FAM107B: variants seen among roughly 807,000 people sequenced by gnomAD.
FAM107B encodes protein FAM107B.
FAM107B carries 21 observed loss-of-function variants against 31.5 expected under a neutral mutation model. The ratio of observed to expected loss-of-function variants is 0.67; its 90% confidence interval spans 0.47 to 0.96. The LOEUF (loss-of-function observed/expected upper bound fraction) is 0.96, where lower values mean the gene tolerates loss of function less well. Among genes scored for constraint, FAM107B ranks in the 40% least tolerant of loss-of-function variants. The probability of loss-of-function intolerance (pLI) is 0.00; values close to 1 mark genes in which losing one functional copy is unlikely to be tolerated. For synonymous variants in FAM107B, 157 were observed against 141.5 expected (o/e 1.11, Z -0.78); for missense variants, 452 against 377.1 (o/e 1.20, Z -1.64).
In FAM107B at chr10:14,727,609, T is replaced by C. The variant is rs118033200; in HGVS notation, c.411+46644A>G. Among the ~76,000 whole-genome samples, 526 of 152,354 alleles carry C rather than the reference T, an allele frequency of 3.5e-3. 12 individuals are homozygous for C. The East Asian group carries it at 0.046, about 13-fold the overall frequency. ...CCAGCTCCCTCACCCTCCAGTGGGA[T>C]AATTCTGAGACATGTGTTTTACATT... On this transcript the variant is annotated intron_variant, in intron 1 of 4. Coordinates refer to ENST00000181796, the MANE Select transcript of FAM107B (RefSeq NM_031453.4).
chr10:14,724,699 A>C (rs1855989043), intron 1 of FAM107B, among the ~76,000 whole-genome samples: 1 of 152,040 alleles, frequency 6.6e-6, no homozygotes, highest in South Asian at 2.1e-4. Flanking sequence ...AAAAAAAAAA[A>C]CAACACCTAA....
At chr10:14,603,993 C>A (rs956342927) in intron 2 of FAM107B, among the ~76,000 whole-genome samples, 3 of 147,468 alleles carry the variant, frequency 2.0e-5, no homozygotes, top group Admixed American at 6.7e-5. Flanking sequence ...CAGCGGCCCC[C>A]GCCTCCGCGG....
At chr10:14,735,484 A>T (rs1454906506) in intron 1 of FAM107B, among the ~76,000 whole-genome samples, 1 of 152,158 alleles carries the variant, frequency 6.6e-6, no homozygotes, top group African/African-American at 2.4e-5. Context: ...ATTCCTCAGG[A>T]TGTCTGTCTG....
At chr10:14,524,232 G>A (rs899548137) in intron 3 of FAM107B, among the ~76,000 whole-genome samples, 2 of 151,898 alleles carry the variant, frequency 1.3e-5, no homozygotes, top group East Asian at 1.9e-4. Context: ...TAGTAGAGAC[G>A]GGGTTTCACC....
intron 2 of FAM107B, among the ~76,000 whole-genome samples, chr10:14,559,726 C>T (rs1850069761): frequency 1.5e-5 from 2 of 136,702 alleles, no homozygotes; most frequent in African/African-American, 5.3e-5. Context: ...CGCCAGCCAC[C>T]GCGCCTGGCT....
chr10:14,745,774 T>C (rs1208240058), intron 1 of FAM107B, among the ~76,000 whole-genome samples: 1 of 152,204 alleles, frequency 6.6e-6, no homozygotes, highest in Non-Finnish European at 1.5e-5. Flanking sequence ...ATGTATATTC[T>C]CTTCTTTTTG....
intron 2 of FAM107B, among the ~76,000 whole-genome samples, chr10:14,595,290 C>T (rs1262627621): frequency 6.6e-6 from 1 of 152,144 alleles, no homozygotes; most frequent in Non-Finnish European, 1.5e-5. Flanking sequence ...TCTGCAGGTA[C>T]TTTCGTATCA....
chr10:14,627,549 G>C (rs551657631), intron 2 of FAM107B, among the ~76,000 whole-genome samples: 1 of 152,362 alleles, frequency 6.6e-6, no homozygotes, highest in South Asian at 2.1e-4. Context: ...CAAAGTAGGA[G>C]GACCACTTGA....
At chr10:14,660,097 T>G (rs1381092037) in intron 2 of FAM107B, among the ~76,000 whole-genome samples, 1 of 152,118 alleles carries the variant, frequency 6.6e-6, no homozygotes, top group Non-Finnish European at 1.5e-5. Flanking sequence ...AAGAGGGTGT[T>G]CTGATGAAAC....
At chr10:14,557,463 A>C (rs531984700) in intron 2 of FAM107B, among the ~76,000 whole-genome samples, 30 of 152,344 alleles carry the variant, frequency 2.0e-4, no homozygotes, top group African/African-American at 7.0e-4. Context: ...CATAATTATT[A>C]ATTTCTAGCC....
At chr10:14,643,557 A>T (rs1016711698) in intron 2 of FAM107B, among the ~76,000 whole-genome samples, 2 of 151,968 alleles carry the variant, frequency 1.3e-5, no homozygotes, top group Admixed American at 1.3e-4. Context: ...CTACAGACAC[A>T]TGCCACCACA....
chr10:14,528,379 G>A (rs1363844076), intron 3 of FAM107B, among the ~76,000 whole-genome samples: 1 of 151,712 alleles, frequency 6.6e-6, no homozygotes, highest in Non-Finnish European at 1.5e-5. Context: ...ACAGGGTTTC[G>A]CCAGGTTGGC....
chr10:14,596,499 C>G (rs912657993), intron 2 of FAM107B, among the ~76,000 whole-genome samples: 1 of 152,140 alleles, frequency 6.6e-6, no homozygotes, highest in African/African-American at 2.4e-5. Context: ...TCATAAAGAA[C>G]TTGACACCAT....
At chr10:14,643,328 G>T (rs960002305) in intron 2 of FAM107B, among the ~76,000 whole-genome samples, 4 of 151,826 alleles carry the variant, frequency 2.6e-5, no homozygotes, top group Non-Finnish European at 4.4e-5. Context: ...AGCTCAAGCA[G>T]TCCGGCAGGA....
At chr10:14,716,062 A>G (rs1421246483) in intron 1 of FAM107B, among the ~76,000 whole-genome samples, 1 of 152,238 alleles carries the variant, frequency 6.6e-6, no homozygotes, top group Non-Finnish European at 1.5e-5. Flanking sequence ...ATTCCTGATG[A>G]GACTGGCATC....
intron 1 of FAM107B, among the ~76,000 whole-genome samples, chr10:14,751,919 C>A (rs1169721070): frequency 6.6e-6 from 1 of 152,048 alleles, no homozygotes; most frequent in Non-Finnish European, 1.5e-5. Flanking sequence ...TCCCAAATGG[C>A]TGGGAAGGTG....
At chr10:14,574,502 G>A (rs935015214) in intron 2 of FAM107B, among the ~76,000 whole-genome samples, 1 of 152,190 alleles carries the variant, frequency 6.6e-6, no homozygotes, top group Non-Finnish European at 1.5e-5. Flanking sequence ...TCACCCAAGT[G>A]TCAGAACAAA....
chr10:14,642,471 T>C (rs1467505887), intron 2 of FAM107B, among the ~76,000 whole-genome samples: 1 of 152,224 alleles, frequency 6.6e-6, no homozygotes, highest in East Asian at 1.9e-4. Context: ...GTACCTCTAC[T>C]TTCTCATCTA....
intron 1 of FAM107B, among the ~76,000 whole-genome samples, chr10:14,699,516 A>G (rs1489308839): frequency 6.6e-6 from 1 of 152,188 alleles, no homozygotes; most frequent in African/African-American, 2.4e-5. Context: ...CAGATCAAGC[A>G]GAGAGAACAA....
Sources: gnomAD v4.1 joint callset for allele counts (sites outside exome capture counted in the v4.1 genomes callset) on GRCh38, gnomAD v4.1.1 for gene constraint, MANE v1.5 for transcripts, NCBI Gene and HGNC (gene_info 2026-07-23, HGNC 2026-07-21) for gene names.